The following PDE4D variants were observed in gnomAD, a reference collection of about 807,000 sequenced individuals.
PDE4D encodes phosphodiesterase 4D.
In PDE4D, 24 loss-of-function variants were observed where a neutral mutation model predicts 87.4. That is an observed-to-expected ratio of 0.27 (90% CI 0.20 to 0.39). The LOEUF (loss-of-function observed/expected upper bound fraction) is 0.39. Among genes scored for constraint, PDE4D ranks in the 10% least tolerant of loss-of-function variants. The pLI is 1.00. For synonymous variants in PDE4D, 384 were observed against 383.2 expected (o/e 1.00, Z -0.02); for missense variants, 714 against 1,041.0 (o/e 0.69, Z 4.32).
intron 1 of PDE4D, among the ~76,000 whole-genome samples, chr5:59,646,363 C>T (rs1176623057): frequency 6.6e-6 from 1 of 152,044 alleles, no homozygotes; most frequent in African/African-American, 2.4e-5. Flanking sequence ...ATGTATTAGC[C>T]GAACTGCAAA....
At chr5:59,519,607 G>A (rs2153672448) in intron 1 of PDE4D, among the ~76,000 whole-genome samples, 1 of 152,264 alleles carries the variant, frequency 6.6e-6, no homozygotes, top group African/African-American at 2.4e-5. Flanking sequence ...ACTTGAAAGG[G>A]GCGGTAGACA....
intron 3 of PDE4D, among the ~76,000 whole-genome samples, chr5:59,913,951 T>TA (rs1358412918): frequency 9.9e-5 from 15 of 152,176 alleles, no homozygotes; most frequent in African/African-American, 3.6e-4. Flanking sequence ...CATATAATAA[T>TA]AAAAACCATC....
intron 1 of PDE4D, among the ~76,000 whole-genome samples, chr5:59,709,827 A>G (rs1258962806): frequency 6.6e-6 from 1 of 152,180 alleles, no homozygotes; most frequent in African/African-American, 2.4e-5. Flanking sequence ...TCAAAAATAA[A>G]GGAAGTAATA....
intron 1 of PDE4D, among the ~76,000 whole-genome samples, chr5:60,288,077 C>T (rs561959055): frequency 6.6e-6 from 1 of 152,254 alleles, no homozygotes; most frequent in African/African-American, 2.4e-5. Context: ...TCTTCTTAAC[C>T]TCTGCAGACT....
intron 1 of PDE4D, among the ~76,000 whole-genome samples, chr5:59,844,055 T>G (rs920304886): frequency 3.3e-5 from 5 of 152,104 alleles, no homozygotes; most frequent in Admixed American, 2.0e-4. Flanking sequence ...TTCCACTGAC[T>G]GATCCCCTTG....
chr5:60,213,871 T>C (rs2961903), intron 1 of PDE4D, among the ~76,000 whole-genome samples: 121,545 of 152,162 alleles, frequency 0.8, 49,720 homozygotes, highest in African/African-American at 0.95. Context: ...GTAGGCACCA[T>C]AGGACTTTAT....
intron 1 of PDE4D, among the ~76,000 whole-genome samples, chr5:59,668,777 A>G (rs866427009): frequency 1.3e-4 from 17 of 130,966 alleles, no homozygotes; most frequent in Non-Finnish European, 2.1e-4. Flanking sequence ...AGAAGAAGAA[A>G]GAAGAAGAAG....
chr5:60,154,750 A>G (rs1017285721), intron 2 of PDE4D, among the ~76,000 whole-genome samples: 1 of 152,240 alleles, frequency 6.6e-6, no homozygotes. Context: ...CTCCTACTCC[A>G]TAAGGGTAAC....
At chr5:59,820,851 T>C (rs1769563305) in intron 1 of PDE4D, among the ~76,000 whole-genome samples, 1 of 152,224 alleles carries the variant, frequency 6.6e-6, no homozygotes, top group Non-Finnish European at 1.5e-5. Context: ...ACAACCTGGT[T>C]GGGGTTTATA....
At chr5:59,131,645 C>CACACACACACACACACAT (rs60337924) in intron 5 of PDE4D, among the ~76,000 whole-genome samples, 4 of 146,440 alleles carry the variant, frequency 2.7e-5, no homozygotes, top group African/African-American at 5.2e-5. Context: ...CACACACACA[C>CACACACACACACACACAT]ATTAATGAGA....
Position 59,631,755 on chromosome 5 carries a change from A to C in PDE4D, c.455+261413T>G, listed in dbSNP as rs555947138. 7.2e-5 allele frequency among the ~76,000 whole-genome samples: 11 copies of C among 152,332 alleles called. No homozygotes were observed. In the South Asian group the frequency reaches 2.3e-3, roughly 32 times the overall value. Reference sequence around the variant, plus strand: ...TTCCCACGGTCTTCACTAGCCACAGATCAGGAGATTCTCTTGGGTGCCTAT... The same window carrying C: ...TTCCCACGGTCTTCACTAGCCACAGCTCAGGAGATTCTCTTGGGTGCCTAT... On this transcript the variant is annotated intron_variant, in intron 1 of 14. Coordinates refer to ENST00000340635, the MANE Select transcript of PDE4D (RefSeq NM_001104631.2).
At chr5:60,026,749 G>C (rs1159314444) in intron 2 of PDE4D, among the ~76,000 whole-genome samples, 2 of 152,100 alleles carry the variant, frequency 1.3e-5, no homozygotes, top group Admixed American at 6.5e-5. Context: ...ACTTAAATCA[G>C]ATCGTTTAAT....
intron 3 of PDE4D, among the ~76,000 whole-genome samples, chr5:59,934,069 C>T (rs778163690): frequency 1.3e-5 from 2 of 152,012 alleles, no homozygotes; most frequent in East Asian, 1.9e-4. Context: ...CTGCAACTTC[C>T]GCCTCCCAGG....
intron 1 of PDE4D, among the ~76,000 whole-genome samples, chr5:59,643,082 T>G (rs778285168): frequency 1.3e-5 from 2 of 152,180 alleles, no homozygotes; most frequent in Non-Finnish European, 2.9e-5. Context: ...ACAAAATGAA[T>G]GAAACAACAG....
chr5:59,790,011 A>G (rs1378333508), intron 1 of PDE4D, among the ~76,000 whole-genome samples: 1 of 152,038 alleles, frequency 6.6e-6, no homozygotes, highest in Non-Finnish European at 1.5e-5. Flanking sequence ...CATTGGAGAG[A>G]GTTTGGGGAG....
intron 2 of PDE4D, among the ~76,000 whole-genome samples, chr5:60,122,253 C>T (rs980448411): frequency 6.6e-6 from 1 of 152,110 alleles, no homozygotes; most frequent in African/African-American, 2.4e-5. Flanking sequence ...AGGCTGTGGC[C>T]CTCTTCTCAT....
chr5:60,449,501 G>C (rs1332743080), intron 1 of PDE4D, among the ~76,000 whole-genome samples: 1 of 118,058 alleles, frequency 8.5e-6, no homozygotes, highest in Non-Finnish European at 1.7e-5. Flanking sequence ...TGTGGGGTGG[G>C]GGGAGGGGGG....
At chr5:60,053,086 A>C (rs191127090) in intron 2 of PDE4D, among the ~76,000 whole-genome samples, 20 of 152,340 alleles carry the variant, frequency 1.3e-4, no homozygotes, top group Non-Finnish European at 2.1e-4. Flanking sequence ...GATAAAAAGA[A>C]TCAGTATCAT....
chr5:60,258,457 T>TA (rs199748391), intron 1 of PDE4D, among the ~76,000 whole-genome samples: 1,692 of 151,804 alleles, frequency 0.011, 19 homozygotes, highest in Middle Eastern at 0.041. Flanking sequence ...TTTTAAAAAG[T>TA]AAAAAAAATG....
Sources: gnomAD v4.1 joint callset for allele counts (sites outside exome capture counted in the v4.1 genomes callset) on GRCh38, gnomAD v4.1.1 for gene constraint, MANE v1.5 for transcripts, NCBI Gene and HGNC (gene_info 2026-07-23, HGNC 2026-07-21) for gene names.